KCNIP3: variants seen among roughly 807,000 people sequenced by gnomAD.
KCNIP3 encodes the protein potassium voltage-gated channel interacting protein 3, also known as calsenilin.
KCNIP3 carries 28 observed loss-of-function variants against 35.0 expected under a neutral mutation model. That is an observed-to-expected ratio of 0.80 (90% confidence interval 0.59 to 1.10). KCNIP3 has a LOEUF of 1.10. Among genes scored for constraint, KCNIP3 ranks in the 50% least tolerant of loss-of-function variants. The probability of loss-of-function intolerance (pLI) is 0.00; values close to 1 mark genes in which losing one functional copy is unlikely to be tolerated. For missense variants in KCNIP3, 295 were observed against 338.4 expected (o/e 0.87, Z 1.01); for synonymous variants, 134 against 133.8 (o/e 1.00, Z -0.01).
At position 95,336,892 on chromosome 2, in the gene KCNIP3, A is replaced by G. The variant is rs563500876; in HGVS notation, c.181+26372A>G. 4.7e-4 allele frequency among the ~76,000 whole-genome samples: 71 copies of G among 152,278 alleles called. 1 individual carries two copies. Among genetic ancestry groups the G allele is most frequent in the Middle Eastern group, 3.4e-3 (1 of 294 alleles). ...AGTGCGTGGGTGGGCCTGAACCTCCATATTTCCTCAATGCTCTCTGACCCC... is the reference window on the plus strand; with the variant it reads ...AGTGCGTGGGTGGGCCTGAACCTCCGTATTTCCTCAATGCTCTCTGACCCC... On this transcript the variant is annotated intron_variant, in intron 2 of 8. Transcript: ENST00000295225.
At chr2:95,318,679 G>C (rs1678517545) in intron 2 of KCNIP3, among the ~76,000 whole-genome samples, 1 of 152,228 alleles carries the variant, frequency 6.6e-6, no homozygotes, top group African/African-American at 2.4e-5. Context: ...CAGGCACAGG[G>C]GTGGTGCCCT....
chr2:95,351,432 C>T (rs184364603), intron 2 of KCNIP3, among the ~76,000 whole-genome samples: 52 of 152,224 alleles, frequency 3.4e-4, no homozygotes, highest in African/African-American at 9.4e-4. Flanking sequence ...ATGCATTTCC[C>T]GGGGAGAGCT....
chr2:95,361,483 C>T (rs1378558934), intron 2 of KCNIP3, among the ~76,000 whole-genome samples: 1 of 152,188 alleles, frequency 6.6e-6, no homozygotes, highest in Non-Finnish European at 1.5e-5. Context: ...CTCTCATGCC[C>T]ACATGTGCCT....
chr2:95,318,298 C>A (rs1573486237), intron 2 of KCNIP3, among the ~76,000 whole-genome samples: 1 of 152,180 alleles, frequency 6.6e-6, no homozygotes, highest in East Asian at 1.9e-4. Flanking sequence ...TCCTCCTGTG[C>A]ACACTGACTC....
At chr2:95,357,872 G>A (rs1204998991) in intron 2 of KCNIP3, among the ~76,000 whole-genome samples, 1 of 152,234 alleles carries the variant, frequency 6.6e-6, no homozygotes, top group African/African-American at 2.4e-5. Flanking sequence ...GCTGGCTGTT[G>A]TCTGAGCCAG....
intron 2 of KCNIP3, among the ~76,000 whole-genome samples, chr2:95,340,158 C>T (rs1385880039): frequency 5.9e-5 from 9 of 152,096 alleles, no homozygotes; most frequent in Admixed American, 3.3e-4. Flanking sequence ...GCCAACATGG[C>T]GAAACCCTGT....
At chr2:95,370,989 G>C (rs1040578182) in intron 2 of KCNIP3, among the ~76,000 whole-genome samples, 1 of 151,766 alleles carries the variant, frequency 6.6e-6, no homozygotes, top group African/African-American at 2.4e-5. Context: ...GGCTGGTCTT[G>C]AACTCCTGAC....
intron 1 of KCNIP3, among the ~76,000 whole-genome samples, chr2:95,307,906 C>T (rs143853578): frequency 8.7e-4 from 133 of 152,340 alleles, no homozygotes; most frequent in Non-Finnish European, 1.4e-3. Flanking sequence ...CTCTCCCCTA[C>T]GACCCTCCTT....
At chr2:95,316,674 GA>G (rs1438240829) in intron 2 of KCNIP3, among the ~76,000 whole-genome samples, 1 of 152,198 alleles carries the variant, frequency 6.6e-6, no homozygotes, top group Non-Finnish European at 1.5e-5. Flanking sequence ...GAAGTCTCTG[GA>G]AGACAGATGC....
chr2:95,355,645 T>G (rs1373223963), intron 2 of KCNIP3, among the ~76,000 whole-genome samples: 1 of 152,190 alleles, frequency 6.6e-6, no homozygotes, highest in Admixed American at 6.5e-5. Context: ...GGTTTCCAGC[T>G]TCATCCATGT....
Position 95,346,985 on chromosome 2 carries a change from C to T in KCNIP3, c.182-27311C>T, listed in dbSNP as rs577553567. 1.9e-4 allele frequency: 294 copies of T among 1,538,072 alleles called. No homozygotes were observed. In the East Asian group the frequency reaches 7.0e-3, roughly 37 times the overall value. ...AGGCAGCGCGTGGGCGAGGGGTGCG[C>T]CCGGGCCCCAGGGCCCCAGGCAGCC... On this transcript the variant is annotated intron_variant, in intron 2 of 8. Coordinates refer to ENST00000295225, the MANE Select transcript of KCNIP3 (RefSeq NM_013434.5).
chr2:95,366,601 G>A (rs1679922661), intron 2 of KCNIP3, among the ~76,000 whole-genome samples: 1 of 152,178 alleles, frequency 6.6e-6, no homozygotes, highest in Admixed American at 6.5e-5. Flanking sequence ...AAGTGGCAAC[G>A]TGATTTCCAG....
At position 95,384,206 on chromosome 2, in the gene KCNIP3, A is replaced by ACG; in HGVS notation, c.*157_*158insCG. 1.5e-6 allele frequency: 1 copy of ACG among 648,294 alleles called. No homozygotes were observed. The highest frequency in any genetic ancestry group is 2.8e-5 in the East Asian group (1 of 36,080). The allele number at this position is 648,294 out of a possible 1,614,324, so 40.2% of individuals were successfully genotyped here. ...CACACACACACACACACACACACAC[A>ACG]GCCATTCATCTGGGCTGGCAGAGGG... On this transcript the variant is annotated 3_prime_UTR_variant, in exon 9 of 9. Coordinates refer to ENST00000295225, the MANE Select transcript of KCNIP3 (RefSeq NM_013434.5).
chr2:95,370,750 T>C (rs1019530668), intron 2 of KCNIP3, among the ~76,000 whole-genome samples: 1 of 152,138 alleles, frequency 6.6e-6, no homozygotes, highest in African/African-American at 2.4e-5. Context: ...ATGCTTATAT[T>C]TGTCATTGAT....
At chr2:95,303,253 G>C (rs1678083252) in intron 1 of KCNIP3, 1 of 152,354 alleles carries the variant, frequency 6.6e-6, no homozygotes, top group Non-Finnish European at 1.5e-5. Flanking sequence ...CTGCTCCGTG[G>C]GCCACCTGGC....
At chr2:95,364,959 G>GC (rs965277191) in intron 2 of KCNIP3, among the ~76,000 whole-genome samples, 5 of 152,036 alleles carry the variant, frequency 3.3e-5, no homozygotes, top group Non-Finnish European at 7.4e-5. Flanking sequence ...AGTGGTGTGT[G>GC]CCTGTAGTCT....
chr2:95,307,284 T>C (rs1260365229), intron 1 of KCNIP3, among the ~76,000 whole-genome samples: 1 of 152,128 alleles, frequency 6.6e-6, no homozygotes, highest in Non-Finnish European at 1.5e-5. Context: ...ACGGATATTT[T>C]TGGAAGGCTG....
Position 95,310,540 on chromosome 2 carries a change from G to A in KCNIP3, c.181+20G>A, listed in dbSNP as rs1377126280. ...GCTCAGGTAGGGGCCAGGGTGGGCT[G>A]TGGTCAAGGGTGGGGGTGGGGAGAT... On this transcript the variant is annotated intron_variant, in intron 2 of 8. Transcript: ENST00000295225. The A allele has an allele frequency of 6.2e-7, 1 of 1,609,052 alleles. No individual in the cohort carries two copies. The highest frequency in any genetic ancestry group is 2.2e-5 in the East Asian group (1 of 44,744).
At chr2:95,301,951 G>T (rs1678042789) in intron 1 of KCNIP3, among the ~76,000 whole-genome samples, 1 of 152,100 alleles carries the variant, frequency 6.6e-6, no homozygotes, top group Admixed American at 6.5e-5. Context: ...CATCTTCAGG[G>T]ACTCATGACA....
Sources: allele counts gnomAD v4.1 joint callset (sites outside exome capture counted in the v4.1 genomes callset), GRCh38; gene constraint gnomAD v4.1.1; transcripts MANE v1.5; gene names NCBI Gene and HGNC (gene_info 2026-07-23, HGNC 2026-07-21).